SMARCA5: variants seen among roughly 807,000 people sequenced by gnomAD.
SMARCA5 encodes the protein SNF2 related chromatin remodeling ATPase 5, also known as SWI/SNF-related matrix-associated actin-dependent regulator of chromatin subfamily A member 5.
SMARCA5 carries 18 observed loss-of-function variants against 140.4 expected under a neutral mutation model. That is an observed-to-expected ratio of 0.13 (90% confidence interval 0.09 to 0.19). The LOEUF is 0.19. Among genes scored for constraint, SMARCA5 ranks in the 10% least tolerant of loss-of-function variants. The probability of loss-of-function intolerance (pLI) is 1.00; values close to 1 mark genes in which losing one functional copy is unlikely to be tolerated. For synonymous variants in SMARCA5, 449 were observed against 419.6 expected, an observed-to-expected ratio of 1.07 and a Z score of -0.86; for missense variants, 606 against 1,276.8, an observed-to-expected ratio of 0.47 and a Z score of 8.01.
Position 143,524,480 on chromosome 4 carries a change from C to T in SMARCA5, c.520+13C>T. 5.1e-6 allele frequency: 8 copies of T among 1,564,962 alleles called. No homozygotes were observed. Among genetic ancestry groups the T allele is most frequent in the East Asian group, 2.2e-5 (1 of 44,460 alleles). ...GACTCTCCATCGTGTATGTTAAACACACTTGATTTTTTTAAAAAATTGCCC... is the reference window on the plus strand; with the variant it reads ...GACTCTCCATCGTGTATGTTAAACATACTTGATTTTTTTAAAAAATTGCCC... On this transcript the variant is annotated intron_variant, in intron 4 of 23. Transcript: ENST00000283131.
chr4:143,544,947 CTTTTTTTTTTTTT>C, intron 17 of SMARCA5, 100 bp downstream of exon 17: 1 of 360,902 alleles, frequency 2.8e-6, no homozygotes, highest in Non-Finnish European at 4.9e-6. Context: ...TTTTGTGTTT[CTTTTTTTTTTTTT>C]TTTTTGAGAC....
chr4:143,527,307 T>C lies in SMARCA5; in HGVS notation c.802-561T>C, dbSNP rs1737094440. Reference sequence around the variant, plus strand: ...TATTTCCTCTTCATTTACCTGTGAGTGATAAGTCTATATTTTTCTCTCCCT... The same window carrying C: ...TATTTCCTCTTCATTTACCTGTGAGCGATAAGTCTATATTTTTCTCTCCCT... On this transcript the variant is annotated intron_variant, in intron 6 of 23. Transcript: ENST00000283131. Among the ~76,000 whole-genome samples the C allele has an allele frequency of 2.0e-5, 3 of 152,286 alleles. No homozygotes were observed. The South Asian group carries it at 6.2e-4, about 32-fold the overall frequency.
rs1269664787 is a variant in SMARCA5 at position 143,553,849 on chromosome 4, T to C, written c.*665T>C. On this transcript the variant is annotated 3_prime_UTR_variant, in exon 24 of 24. Coordinates refer to ENST00000283131, the MANE Select transcript of SMARCA5 (RefSeq NM_003601.4). The stretch of plus-strand genomic sequence containing the variant: ...AAGACATTTAGTATTTTCCGGTTCC[T>C]TAAGGTATTACTGTACCATTTTGTA... The C allele has an allele frequency of 1.3e-5, 2 of 152,158 alleles. No homozygotes were observed. The highest frequency in any genetic ancestry group is 3.9e-4 in the East Asian group (2 of 5,184). 9.4% of individuals were successfully genotyped at this position (152,158 alleles called of 1,614,324 possible). A position where few individuals can be genotyped will look rare whatever the true frequency, so the allele number is the denominator to read the frequency against.
intron 1 of SMARCA5, among the ~76,000 whole-genome samples, chr4:143,515,092 A>G (rs1423373194): frequency 6.6e-6 from 1 of 152,196 alleles, no homozygotes; most frequent in Non-Finnish European, 1.5e-5. Context: ...TCGGAGCCCA[A>G]AGATTTCTGG....
At chr4:143,523,881 A>G (rs1396224437) in intron 3 of SMARCA5, among the ~76,000 whole-genome samples, 1 of 152,226 alleles carries the variant, frequency 6.6e-6, no homozygotes, top group African/African-American at 2.4e-5. Flanking sequence ...GGGGTAGTAT[A>G]TCTGATTCTC....
chr4:143,514,989 T>G (rs544402021), intron 1 of SMARCA5, among the ~76,000 whole-genome samples: 1 of 152,298 alleles, frequency 6.6e-6, no homozygotes, highest in East Asian at 1.9e-4. Flanking sequence ...GTAAATTGGA[T>G]ATGCTTCCAG....
At chr4:143,516,042 G>T (rs1736823577) in intron 1 of SMARCA5, among the ~76,000 whole-genome samples, 1 of 148,760 alleles carries the variant, frequency 6.7e-6, no homozygotes, top group African/African-American at 2.5e-5. Context: ...CAGAATTACT[G>T]CAATTCATGA....
At position 143,533,498 on chromosome 4, in the gene SMARCA5, CTTTTTTTTTTTT is replaced by C. The variant is rs10580434; in HGVS notation, c.1159-1341_1159-1330del. 1.4e-3 allele frequency among the ~76,000 whole-genome samples: 176 copies of C among 127,502 alleles called. 1 individual carries two copies. Among genetic ancestry groups the C allele is most frequent in the Middle Eastern group, 0.012 (3 of 250 alleles). 83.6% of individuals were successfully genotyped at this position (127,502 alleles called of 152,430 possible). A position where few individuals can be genotyped will look rare whatever the true frequency, so the allele number is the denominator to read the frequency against. On this transcript the variant is annotated intron_variant, in intron 9 of 23. Coordinates refer to ENST00000283131, the MANE Select transcript of SMARCA5 (RefSeq NM_003601.4). ...GATCTTAATGAGACCCTTGTCCATT[CTTTTTTTTTTTT>C]TTTTTTTTTTTTTTTGAGATGGAGT...
intron 6 of SMARCA5, among the ~76,000 whole-genome samples, chr4:143,527,050 T>G (rs951821985): frequency 1.3e-5 from 2 of 152,212 alleles, no homozygotes; most frequent in Admixed American, 1.3e-4. Flanking sequence ...GAGCCACATT[T>G]TTAGATGAAT....
chr4:143,517,133 A>T (rs1736857716), intron 1 of SMARCA5, among the ~76,000 whole-genome samples: 1 of 152,212 alleles, frequency 6.6e-6, no homozygotes, highest in Non-Finnish European at 1.5e-5. Flanking sequence ...CTTGGCAACA[A>T]CCATACAGTT....
rs574882676 is a variant in SMARCA5, at chr4:143,517,953, G to A, written c.252+524G>A. On this transcript the variant is annotated intron_variant, in intron 2 of 23. Transcript: ENST00000283131. ...ATGTGTCTATGTAAGCCAAATGGAA[G>A]TATTATATGAATTAACATAATATGA... Among the ~76,000 whole-genome samples, 8 of 152,202 alleles carry A rather than the reference G, an allele frequency of 5.3e-5. No homozygotes were observed. In the South Asian group the frequency reaches 1.2e-3, roughly 24 times the overall value.
At chr4:143,522,130 A>T (rs1736975627) in intron 3 of SMARCA5, among the ~76,000 whole-genome samples, 1 of 152,174 alleles carries the variant, frequency 6.6e-6, no homozygotes, top group Non-Finnish European at 1.5e-5. Flanking sequence ...CATCACATAC[A>T]GATGTTGACA....
intron 19 of SMARCA5, 57 bp from the exon 20 acceptor site, chr4:143,546,719 C>T: frequency 6.6e-7 from 1 of 1,510,180 alleles, no homozygotes; most frequent in Non-Finnish European, 9.0e-7. Flanking sequence ...TTGCTAATAG[C>T]ATGTTTTCCA....
intron 14 of SMARCA5, among the ~76,000 whole-genome samples, chr4:143,541,503 C>T (rs192514984): frequency 5.0e-4 from 76 of 152,214 alleles, no homozygotes; most frequent in Admixed American, 9.2e-4. Context: ...AAATCGTTTC[C>T]CTTAATAAAG....
In SMARCA5 at chr4:143,556,255, A is replaced by G. The variant is rs1402781426; in HGVS notation, c.*3071A>G. 6.6e-6 allele frequency: 1 copy of G among 152,176 alleles called. No individual in the cohort carries two copies. The highest frequency in any genetic ancestry group is 1.9e-4 in the East Asian group (1 of 5,198). The allele number at this position is 152,176 out of a possible 1,614,324, so 9.4% of individuals were successfully genotyped here. ...TATTTAATATATGCCGATTGTTTGA[A>G]CTAATCTGGATTTAATTATATAAAT... is the stretch of plus-strand genomic sequence containing the variant. On this transcript the variant is annotated 3_prime_UTR_variant, in exon 24 of 24. Coordinates refer to ENST00000283131, the MANE Select transcript of SMARCA5 (RefSeq NM_003601.4).
At position 143,556,200 on chromosome 4, in the gene SMARCA5, A is replaced by G. The variant is rs1162295880; in HGVS notation, c.*3016A>G. On this transcript the variant is annotated 3_prime_UTR_variant, in exon 24 of 24. Coordinates refer to ENST00000283131, the MANE Select transcript of SMARCA5 (RefSeq NM_003601.4). ...AAACACTTCTGGTTCCAGGCATTTC[A>G]GATAAGGATTGCTCCATCTGCCCTT... The G allele has an allele frequency of 6.6e-6, 1 of 152,226 alleles. No individual in the cohort carries two copies. Among genetic ancestry groups the G allele is most frequent in the Admixed American group, 6.5e-5 (1 of 15,288 alleles). The allele number at this position is 152,226 out of a possible 1,614,324, so 9.4% of individuals were successfully genotyped here.
intron 13 of SMARCA5, among the ~76,000 whole-genome samples, chr4:143,539,150 C>T (rs1423505476): frequency 6.6e-6 from 1 of 152,142 alleles, no homozygotes; most frequent in Non-Finnish European, 1.5e-5. Flanking sequence ...GAGTCCTCTG[C>T]TATACTGCAT....
chr4:143,547,194 A>T (rs184355105), intron 20 of SMARCA5, among the ~76,000 whole-genome samples, 191 bp from the exon 21 acceptor site: 3 of 152,254 alleles, frequency 2.0e-5, no homozygotes, highest in Admixed American at 2.0e-4. Flanking sequence ...GCATAACTTC[A>T]AGTATTATGT....
chr4:143,524,324 A>G (rs761796020), intron 3 of SMARCA5, 43 bp from the exon 4 acceptor site: 10 of 1,403,080 alleles, frequency 7.1e-6, no homozygotes, highest in Non-Finnish European at 9.9e-6. Context: ...CTGATAATTA[A>G]AGCCAAAACT....
Sources: gnomAD v4.1 joint callset for allele counts (sites outside exome capture counted in the v4.1 genomes callset) on GRCh38, gnomAD v4.1.1 for gene constraint, MANE v1.5 for transcripts, NCBI Gene and HGNC (gene_info 2026-07-23, HGNC 2026-07-21) for gene names.